COL22A1: variants seen among roughly 807,000 people sequenced by gnomAD.
COL22A1 encodes the protein collagen type XXII alpha 1 chain, also known as collagen alpha-1(XXII) chain.
A neutral mutation model predicts 248.9 loss-of-function variants in COL22A1; 221 were observed. The observed-to-expected ratio is 0.89, with a 90% CI of 0.80 to 0.99. The LOEUF is 0.99. Among genes scored for constraint, COL22A1 ranks in the 50% least tolerant of loss-of-function variants. The pLI is 0.00. For missense variants in COL22A1, 2,240 were observed against 2,179.0 expected (o/e 1.03, Z -0.56); for synonymous variants, 891 against 793.4 (o/e 1.12, Z -2.07).
intron 45 of COL22A1, among the ~76,000 whole-genome samples, chr8:138,651,912 T>C (rs1345635770): frequency 6.6e-6 from 1 of 152,226 alleles, no homozygotes; most frequent in Non-Finnish European, 1.5e-5. Flanking sequence ...TCCTATTTCT[T>C]TCTAATTTCT....
chr8:138,658,612 T>C (rs1330981323), intron 44 of COL22A1, among the ~76,000 whole-genome samples: 1 of 152,238 alleles, frequency 6.6e-6, no homozygotes, highest in Non-Finnish European at 1.5e-5. Context: ...AAGCTTGTAT[T>C]GGTCTTTCCT....
intron 18 of COL22A1, among the ~76,000 whole-genome samples, chr8:138,757,448 A>C (rs550725567): frequency 2.1e-5 from 3 of 142,332 alleles, no homozygotes; most frequent in Non-Finnish European, 4.5e-5. Context: ...TGTATTTCTC[A>C]TAATATTATT....
chr8:138,689,048 G>A (rs571899200), intron 36 of COL22A1, 78 bp from the exon 37 acceptor site: 1 of 1,129,264 alleles, frequency 8.9e-7, no homozygotes, highest in Non-Finnish European at 1.4e-6. Context: ...CCCCAGGGAA[G>A]AATCATCAGG....
intron 7 of COL22A1, 97 bp from the exon 8 acceptor site, chr8:138,813,116 C>T: frequency 1.1e-6 from 1 of 895,434 alleles, no homozygotes; most frequent in African/African-American, 1.6e-5. Flanking sequence ...TATCTGGTTC[C>T]ACTTCCTCTT....
Position 138,815,547 on chromosome 8 carries a change from C to T in COL22A1, c.1246-2528G>A, listed in dbSNP as rs1232673742. 2.0e-5 allele frequency among the ~76,000 whole-genome samples: 3 copies of T among 152,332 alleles called. No individual in the cohort carries two copies. In the East Asian group the frequency reaches 5.8e-4, roughly 29 times the overall value. On this transcript the variant is annotated intron_variant, in intron 7 of 64. Coordinates refer to ENST00000303045, the MANE Select transcript of COL22A1 (RefSeq NM_152888.3). ...TGCTCCTGCGCTGGCTCCTCAGCCG[C>T]CTGTCCACACACAGGCCCTCCCTGT...
rs772613475 is a variant in COL22A1, at chr8:138,755,833, C to A, written c.1903-4G>T. 4 of 1,613,794 alleles carry A rather than the reference C, an allele frequency of 2.5e-6. No individual in the cohort carries two copies. The East Asian group carries it at 8.9e-5, about 36-fold the overall frequency. The stretch of plus-strand genomic sequence containing the variant: ...GCCCCGCAGGTCCCACGTCACCCTG[C>A]ACAGAAACGACAAACATTTCAGCAT... On this transcript the variant is annotated splice_polypyrimidine_tract_variant and splice_region_variant and intron_variant, in intron 18 of 64. Transcript: ENST00000303045.
At chr8:138,638,140 C>A (rs1401547943) in intron 47 of COL22A1, among the ~76,000 whole-genome samples, 1 of 151,918 alleles carries the variant, frequency 6.6e-6, no homozygotes, top group African/African-American at 2.4e-5. Context: ...CACAGACCAC[C>A]CAAGAAAGTA....
rs73720622 is a variant in COL22A1 at position 138,850,421 on chromosome 8, G to A, written c.659-6263C>T. ...TCCCCCTGGACCTGCTGACAGCTGC[G>A]AACACTGGCCCAGGAGATCAGGGCC... On this transcript the variant is annotated intron_variant, in intron 3 of 64. Transcript: ENST00000303045. Among the ~76,000 whole-genome samples, 871 of 152,282 alleles carry A rather than the reference G, an allele frequency of 5.7e-3. 3 individuals are homozygous for A. The highest frequency in any genetic ancestry group is 0.018 in the African/African-American group (760 of 41,558).
At chr8:138,686,321 TTGTGGCGGCCCTGAC>T (rs1826347965) in intron 37 of COL22A1, among the ~76,000 whole-genome samples, 1 of 152,202 alleles carries the variant, frequency 6.6e-6, no homozygotes, top group African/African-American at 2.4e-5. Context: ...TGAACAGCCC[TTGTGGCGGCCCTGAC>T]TGTGGAACAC....
At chr8:138,881,173 T>C (rs1339513068) in intron 2 of COL22A1, among the ~76,000 whole-genome samples, 2 of 152,024 alleles carry the variant, frequency 1.3e-5, no homozygotes, top group Admixed American at 1.3e-4. Flanking sequence ...AATGTGATAA[T>C]CCTGTGCATT....
chr8:138,643,037 A>T (rs981953813), intron 47 of COL22A1, among the ~76,000 whole-genome samples: 3 of 151,978 alleles, frequency 2.0e-5, no homozygotes, highest in African/African-American at 7.2e-5. Context: ...TTAAAAAAAA[A>T]AAAAAAAAGG....
At chr8:138,745,857 C>A (rs1036263896) in intron 22 of COL22A1, among the ~76,000 whole-genome samples, 1 of 152,198 alleles carries the variant, frequency 6.6e-6, no homozygotes, top group African/African-American at 2.4e-5. Context: ...CAGCATCTCT[C>A]ATTTCAACTA....
chr8:138,893,252 A>T (rs943068153), intron 1 of COL22A1, among the ~76,000 whole-genome samples: 52 of 152,102 alleles, frequency 3.4e-4, no homozygotes, highest in African/African-American at 1.2e-3. Flanking sequence ...GTGTCTGACT[A>T]CTCTTGGGGC....
intron 12 of COL22A1, among the ~76,000 whole-genome samples, chr8:138,781,449 C>A (rs111827303): frequency 6.6e-6 from 1 of 152,218 alleles, no homozygotes; most frequent in African/African-American, 2.4e-5. Flanking sequence ...CCAGCAGCAC[C>A]CTCCAGGGGT....
At chr8:138,685,086 A>G (rs1826236634) in intron 38 of COL22A1, 122 bp downstream of exon 38, 2 of 722,094 alleles carry the variant, frequency 2.8e-6, no homozygotes, top group Non-Finnish European at 2.4e-6. Context: ...TTTCCCAACC[A>G]GGCCCATTTC....
chr8:138,826,748 G>C lies in COL22A1; in HGVS notation c.879C>G (p.Tyr293Ter). ...TGAACCGGAAGGTTGTGACAAAGGCGTACTCATCAGGTAAACCTTGGGGGA... is the reference window on the plus strand; with the variant it reads ...TGAACCGGAAGGTTGTGACAAAGGCCTACTCATCAGGTAAACCTTGGGGGA... ...DVFPQGLPDE[Y>*]AFVTTFRFRK... The change falls in exon 6 of 65, where the codon TAC (tyrosine) becomes TAG (stop). Residue 293 changes from tyrosine (Y) to a stop codon, truncating the protein, a stop_gained. Transcript: ENST00000303045. LOFTEE classifies it high-confidence loss of function. 1.2e-6 allele frequency: 2 copies of C among 1,614,002 alleles called. No individual in the cohort carries two copies. The highest frequency in any genetic ancestry group is 1.7e-6 in the Non-Finnish European group (2 of 1,179,920).
intron 4 of COL22A1, among the ~76,000 whole-genome samples, chr8:138,843,456 G>T (rs1431349209): frequency 6.6e-6 from 1 of 152,142 alleles, no homozygotes. Context: ...TTGGGAGTTG[G>T]GAGAGAAGAA....
At chr8:138,660,827 CATACACACACAG>C (rs1162775501) in intron 43 of COL22A1, among the ~76,000 whole-genome samples, 1 of 135,406 alleles carries the variant, frequency 7.4e-6, no homozygotes, top group Non-Finnish European at 1.7e-5. Flanking sequence ...CATACACACA[CATACACACACAG>C]ACACACACAC....
intron 12 of COL22A1, among the ~76,000 whole-genome samples, chr8:138,793,576 T>C (rs998550684): frequency 6.6e-6 from 1 of 152,214 alleles, no homozygotes; most frequent in African/African-American, 2.4e-5. Flanking sequence ...CAGGAAAATG[T>C]CAACCAAGGA....
Sources: gnomAD v4.1 joint callset for allele counts (sites outside exome capture counted in the v4.1 genomes callset) on GRCh38, gnomAD v4.1.1 for gene constraint, MANE v1.5 for transcripts, NCBI Gene and HGNC (gene_info 2026-07-23, HGNC 2026-07-21) for gene names.